Variants in BABAM2 observed in about 807,000 individuals in gnomAD.
The protein encoded by BABAM2 is BRISC and BRCA1 A complex member 2, also known as BRISC and BRCA1-A complex member 2.
BABAM2 carries 31 observed loss-of-function variants against 54.7 expected under a neutral mutation model. That is an observed-to-expected ratio of 0.57 (90% CI 0.43 to 0.77). The LOEUF is 0.77. Among genes scored for constraint, BABAM2 ranks in the 30% least tolerant of loss-of-function variants. BABAM2 has a pLI of 0.00. For missense variants in BABAM2, 364 were observed against 455.8 expected, an observed-to-expected ratio of 0.80 and a Z score of 1.83; for synonymous variants, 167 against 162.9, an observed-to-expected ratio of 1.03 and a Z score of -0.19.
At chr2:27,931,596 G>A (rs1668100841) in intron 3 of BABAM2, among the ~76,000 whole-genome samples, 1 of 151,892 alleles carries the variant, frequency 6.6e-6, no homozygotes, top group African/African-American at 2.4e-5. Context: ...TTACCCTGTA[G>A]CTTAAAAATT....
intron 10 of BABAM2, among the ~76,000 whole-genome samples, chr2:28,261,455 G>A (rs937493560): frequency 2.0e-4 from 31 of 151,256 alleles, no homozygotes; most frequent in Admixed American, 4.0e-4. Context: ...TCAGCCTCCC[G>A]AGTAGCTGGG....
intron 11 of BABAM2, 111 bp downstream of exon 11, chr2:28,298,602 A>G (rs1027630366): frequency 1.3e-5 from 18 of 1,336,554 alleles, no homozygotes; most frequent in Admixed American, 2.4e-5. Context: ...ATGTTTTTGT[A>G]AATAAAGTTT....
chr2:28,302,119 G>GGTGGCCGGGAGCA (rs1207616333), intron 11 of BABAM2, among the ~76,000 whole-genome samples: 3 of 152,076 alleles, frequency 2.0e-5, no homozygotes, highest in Non-Finnish European at 4.4e-5. Context: ...AATTGTTTAA[G>GGTGGCCGGGAGCA]ATTTAGCTGT....
intron 6 of BABAM2, among the ~76,000 whole-genome samples, chr2:28,061,918 A>G (rs1327271155): frequency 2.6e-5 from 4 of 152,134 alleles, no homozygotes; most frequent in African/African-American, 9.7e-5. Flanking sequence ...TGTAGACTTT[A>G]TGGCCTGTTG....
chr2:28,266,183 C>T (rs980416060), intron 10 of BABAM2, among the ~76,000 whole-genome samples: 4 of 152,124 alleles, frequency 2.6e-5, no homozygotes, highest in South Asian at 2.1e-4. Flanking sequence ...GACGAGGTTT[C>T]GCCATGTTGG....
chr2:28,116,322 G>T (rs1039450248), intron 6 of BABAM2, among the ~76,000 whole-genome samples: 1 of 152,096 alleles, frequency 6.6e-6, no homozygotes, highest in African/African-American at 2.4e-5. Flanking sequence ...CTGCCCTTTA[G>T]GTTCTACAGA....
intron 4 of BABAM2, among the ~76,000 whole-genome samples, chr2:28,000,169 C>G (rs576843219): frequency 6.6e-6 from 1 of 152,174 alleles, no homozygotes; most frequent in South Asian, 2.1e-4. Context: ...GTACTTTATT[C>G]CGATTTTAAA....
chr2:27,935,153 T>C (rs1668400445), intron 3 of BABAM2, among the ~76,000 whole-genome samples: 1 of 152,188 alleles, frequency 6.6e-6, no homozygotes, highest in South Asian at 2.1e-4. Flanking sequence ...AGGCAGCTAG[T>C]GACTAATTTG....
intron 11 of BABAM2, chr2:28,308,866 T>C (rs937029817): frequency 1.3e-5 from 2 of 156,176 alleles, no homozygotes; most frequent in African/African-American, 4.8e-5. Context: ...CCCTGGGTCT[T>C]TGTTTCCTTG....
chr2:28,194,355 G>A (rs2147930698), intron 7 of BABAM2, among the ~76,000 whole-genome samples: 1 of 152,220 alleles, frequency 6.6e-6, no homozygotes, highest in South Asian at 2.1e-4. Flanking sequence ...GTGAAGCCGT[G>A]TTGGTGGTCA....
intron 11 of BABAM2, among the ~76,000 whole-genome samples, chr2:28,305,110 G>C (rs374803572): frequency 6.6e-6 from 1 of 152,154 alleles, no homozygotes; most frequent in African/African-American, 2.4e-5. Flanking sequence ...TTTTACATAA[G>C]TGATAAGAGC....
intron 4 of BABAM2, among the ~76,000 whole-genome samples, chr2:28,015,057 C>T (rs867811750): frequency 6.6e-6 from 1 of 152,272 alleles, no homozygotes; most frequent in Middle Eastern, 3.4e-3. Context: ...CTTTCTCATG[C>T]TGCAAATGGC....
chr2:28,026,874 TTA>T (rs1274219205), intron 5 of BABAM2, among the ~76,000 whole-genome samples: 1,779 of 47,288 alleles, frequency 0.038, 114 homozygotes, highest in African/African-American at 0.084. Context: ...ATATATATAT[TTA>T]TATATATATA....
At chr2:28,248,856 T>C (rs1683154729) in intron 10 of BABAM2, among the ~76,000 whole-genome samples, 1 of 152,166 alleles carries the variant, frequency 6.6e-6, no homozygotes, top group Non-Finnish European at 1.5e-5. Flanking sequence ...TTCTCTTGTT[T>C]TCCTCTACCT....
intron 3 of BABAM2, among the ~76,000 whole-genome samples, chr2:27,967,796 T>C (rs1040844551): frequency 5.9e-5 from 9 of 152,204 alleles, no homozygotes; most frequent in Admixed American, 4.6e-4. Flanking sequence ...GTGACTCTTG[T>C]TATGTTTTAG....
intron 3 of BABAM2, among the ~76,000 whole-genome samples, chr2:27,936,522 A>C (rs1443204279): frequency 2.6e-5 from 4 of 152,192 alleles, no homozygotes; most frequent in Non-Finnish European, 5.9e-5. Flanking sequence ...GGCACTATTC[A>C]CCATAGCAAA....
At chr2:28,170,704 G>A (rs928766169) in intron 7 of BABAM2, among the ~76,000 whole-genome samples, 4 of 152,126 alleles carry the variant, frequency 2.6e-5, no homozygotes, top group African/African-American at 7.2e-5. Flanking sequence ...TAGCTGTAAA[G>A]GGGGATTAGA....
chr2:27,888,982 G>A (rs987933184), upstream of BABAM2, among the ~76,000 whole-genome samples: 3 of 152,200 alleles, frequency 2.0e-5, no homozygotes, highest in Non-Finnish European at 4.4e-5. Context: ...CACAGTGTCT[G>A]ACAGAATAGT....
chr2:27,909,614 A>G (rs1439757771), intron 2 of BABAM2, among the ~76,000 whole-genome samples: 2 of 152,134 alleles, frequency 1.3e-5, no homozygotes, highest in Non-Finnish European at 2.9e-5. Flanking sequence ...AAATTTCTCT[A>G]GCCTGCCCCT....
Sources: allele counts gnomAD v4.1 joint callset (sites outside exome capture counted in the v4.1 genomes callset), GRCh38; gene constraint gnomAD v4.1.1; transcripts MANE v1.5; gene names NCBI Gene and HGNC (gene_info 2026-07-23, HGNC 2026-07-21).